RPS6KC1: variants seen among roughly 807,000 people sequenced by gnomAD.
RPS6KC1 encodes ribosomal protein S6 kinase C1, also known as inactive ribosomal protein S6 kinase delta-1.
In RPS6KC1, 54 loss-of-function variants were observed where a neutral mutation model predicts 103.8. The observed-to-expected ratio is 0.52, with a 90% CI of 0.42 to 0.65. RPS6KC1 has a LOEUF of 0.65. RPS6KC1 is among the 30% of genes least tolerant of loss of function. The pLI is 0.00. For missense variants in RPS6KC1, 1,151 were observed against 1,253.8 expected, an observed-to-expected ratio of 0.92 and a Z score of 1.24; for synonymous variants, 439 against 438.7, an observed-to-expected ratio of 1.00 and a Z score of -0.01.
the RPS6KC1 span, among the ~76,000 whole-genome samples, chr1:213,671,858 C>A: frequency 1.3e-5 from 2 of 151,986 alleles, no homozygotes; most frequent in Non-Finnish European, 2.9e-5. Context: ...TACTAATTAA[C>A]CTGATTTGAT....
At chr1:213,778,946 A>T in the RPS6KC1 span, among the ~76,000 whole-genome samples, 1 of 151,870 alleles carries the variant, frequency 6.6e-6, no homozygotes, top group Non-Finnish European at 1.5e-5. Flanking sequence ...GGCTCCCAAC[A>T]CTTTCCCAAG....
At chr1:213,094,092 C>T (rs941808248) in intron 3 of RPS6KC1, among the ~76,000 whole-genome samples, 1 of 151,630 alleles carries the variant, frequency 6.6e-6, no homozygotes, top group South Asian at 2.1e-4. Context: ...TGCTCCCCCC[C>T]CCCACCAAGA....
the RPS6KC1 span, among the ~76,000 whole-genome samples, chr1:213,653,244 A>G: frequency 1.3e-5 from 2 of 152,138 alleles, no homozygotes; most frequent in South Asian, 4.1e-4. Flanking sequence ...AGATAGCTTG[A>G]GCCATGAGTT....
chr1:213,193,130 C>G (rs1344223604), intron 8 of RPS6KC1, among the ~76,000 whole-genome samples: 1 of 151,514 alleles, frequency 6.6e-6, no homozygotes, highest in Non-Finnish European at 1.5e-5. Flanking sequence ...ATGGTCTGTC[C>G]TTGAAAATGA....
At chr1:213,504,333 CA>C in the RPS6KC1 span, among the ~76,000 whole-genome samples, 1 of 152,054 alleles carries the variant, frequency 6.6e-6, no homozygotes, top group Non-Finnish European at 1.5e-5. Context: ...CTTATCCTTA[CA>C]ATTTTTTTTA....
chr1:213,541,516 A>G, the RPS6KC1 span, among the ~76,000 whole-genome samples: 1 of 152,286 alleles, frequency 6.6e-6, no homozygotes, highest in Admixed American at 6.5e-5. Context: ...TCTGCAAAGC[A>G]TAAAAATGTG....
At chr1:213,519,039 C>A in the RPS6KC1 span, among the ~76,000 whole-genome samples, 7 of 152,154 alleles carry the variant, frequency 4.6e-5, no homozygotes, top group Admixed American at 3.9e-4. Flanking sequence ...TATATAACAA[C>A]TACATTCTCA....
the RPS6KC1 span, among the ~76,000 whole-genome samples, chr1:213,378,122 C>T: frequency 1.3e-5 from 2 of 152,202 alleles, no homozygotes; most frequent in African/African-American, 2.4e-5. Context: ...AACTGAGGTA[C>T]GCTGTTGTAA....
the RPS6KC1 span, among the ~76,000 whole-genome samples, chr1:213,350,816 G>A: frequency 6.6e-6 from 1 of 151,868 alleles, no homozygotes; most frequent in Non-Finnish European, 1.5e-5. Flanking sequence ...ACAAACATAT[G>A]TATTACAAAA....
At chr1:213,370,539 G>C in the RPS6KC1 span, among the ~76,000 whole-genome samples, 1 of 152,170 alleles carries the variant, frequency 6.6e-6, no homozygotes, top group African/African-American at 2.4e-5. Context: ...AGCATGGGAA[G>C]AGAGAGAATA....
At chr1:213,225,470 A>G (rs1220345345) in intron 8 of RPS6KC1, among the ~76,000 whole-genome samples, 1 of 151,602 alleles carries the variant, frequency 6.6e-6, no homozygotes, top group Non-Finnish European at 1.5e-5. Context: ...ATTCACTGCA[A>G]CCTCCGCCTC....
intron 5 of RPS6KC1, among the ~76,000 whole-genome samples, chr1:213,125,515 C>T (rs952483180): frequency 2.0e-5 from 3 of 151,668 alleles, no homozygotes; most frequent in Non-Finnish European, 4.4e-5. Context: ...AGCAATTTTG[C>T]GCTTTTGATA....
the RPS6KC1 span, among the ~76,000 whole-genome samples, chr1:213,560,646 C>T: frequency 1.8e-4 from 28 of 152,162 alleles, no homozygotes; most frequent in African/African-American, 6.5e-4. Flanking sequence ...TCTGCCTGGC[C>T]TTGTGACCGA....
chr1:213,434,541 C>T, the RPS6KC1 span, among the ~76,000 whole-genome samples: 3 of 152,052 alleles, frequency 2.0e-5, no homozygotes, highest in East Asian at 1.9e-4. Flanking sequence ...CTACAACCTC[C>T]GCCTCCTGGG....
At chr1:213,262,920 A>C (rs2094832282) in intron 14 of RPS6KC1, 104 bp downstream of exon 14, 2 of 752,116 alleles carry the variant, frequency 2.7e-6, no homozygotes, top group Admixed American at 4.1e-5. Flanking sequence ...AGAAAAACCC[A>C]TTTAACGTAA....
the RPS6KC1 span, among the ~76,000 whole-genome samples, chr1:213,604,461 C>G: frequency 6.6e-6 from 1 of 152,236 alleles, no homozygotes; most frequent in Non-Finnish European, 1.5e-5. Flanking sequence ...CAGCAAGTCC[C>G]TTGTGGTTTG....
chr1:213,785,314 A>G, the RPS6KC1 span, among the ~76,000 whole-genome samples: 1 of 152,152 alleles, frequency 6.6e-6, no homozygotes, highest in African/African-American at 2.4e-5. Flanking sequence ...ACAGACCTTT[A>G]GAAATAGGAA....
intron 1 of RPS6KC1, among the ~76,000 whole-genome samples, chr1:213,052,852 C>A (rs2077060601): frequency 6.6e-6 from 1 of 152,096 alleles, no homozygotes; most frequent in Non-Finnish European, 1.5e-5. Context: ...TGAGAAGAAT[C>A]TTAAAGGTTA....
the RPS6KC1 span, among the ~76,000 whole-genome samples, chr1:213,788,939 C>T: frequency 6.6e-6 from 1 of 152,136 alleles, no homozygotes; most frequent in East Asian, 1.9e-4. Context: ...ATGCTACAGC[C>T]TTCTGCACTC....
Sources: gnomAD v4.1 joint callset for allele counts (sites outside exome capture counted in the v4.1 genomes callset) on GRCh38, gnomAD v4.1.1 for gene constraint, MANE v1.5 for transcripts, NCBI Gene and HGNC (gene_info 2026-07-23, HGNC 2026-07-21) for gene names.